TMC7: variants seen among roughly 807,000 people sequenced by gnomAD.
The protein encoded by TMC7 is transmembrane channel like 7, also known as transmembrane channel-like protein 7.
TMC7 carries 54 observed loss-of-function variants against 82.9 expected under a neutral mutation model. That is an observed-to-expected ratio of 0.65 (90% CI 0.52 to 0.82). The LOEUF (loss-of-function observed/expected upper bound fraction) is 0.82. TMC7 is among the 40% of genes least tolerant of loss of function. The pLI, the probability that TMC7 is intolerant of heterozygous loss-of-function variation, is 0.00. For synonymous variants in TMC7, 350 were observed against 337.9 expected (o/e 1.04, Z -0.39); for missense variants, 820 against 901.2 (o/e 0.91, Z 1.15).
At position 19,056,928 on chromosome 16, in the gene TMC7, C is replaced by T. The variant is rs140267604; in HGVS notation, c.2027+231C>T. On this transcript the variant is annotated intron_variant, in intron 14 of 15. Transcript: ENST00000304381. The stretch of plus-strand genomic sequence containing the variant: ...TCACTTGAGGCCAGGAGTTCGAGAC[C>T]AGCCTGGACAGCACAGGGACACCCC... 2.4e-3 allele frequency among the ~76,000 whole-genome samples: 370 copies of T among 151,600 alleles called. 2 individuals carry two copies. The highest frequency in any genetic ancestry group is 3.8e-3 in the Non-Finnish European group (259 of 67,926).
chr16:19,001,168 T>C (rs1431280406), intron 1 of TMC7, among the ~76,000 whole-genome samples: 2 of 152,238 alleles, frequency 1.3e-5, no homozygotes, highest in African/African-American at 2.4e-5. Context: ...AGTACTTTGG[T>C]TGGCGTGGTG....
intron 3 of TMC7, among the ~76,000 whole-genome samples, chr16:19,020,701 G>A (rs1959925058): frequency 6.6e-6 from 1 of 151,254 alleles, no homozygotes; most frequent in East Asian, 1.9e-4. Context: ...AACCTCATCT[G>A]TACTAAAAAC....
intron 5 of TMC7, among the ~76,000 whole-genome samples, chr16:19,029,264 C>T (rs1409796527): frequency 6.6e-6 from 1 of 152,146 alleles, no homozygotes; most frequent in Non-Finnish European, 1.5e-5. Flanking sequence ...CTCGGCCTCC[C>T]AAAGTGCTGG....
chr16:19,061,491 G>A (rs1424659876), intron 15 of TMC7, among the ~76,000 whole-genome samples: 1 of 151,704 alleles, frequency 6.6e-6, no homozygotes, highest in African/African-American at 2.4e-5. Flanking sequence ...TACTATATTG[G>A]TCAGGCTGGT....
intron 5 of TMC7, 99 bp from the exon 6 acceptor site, chr16:19,030,125 G>A (rs919016171): frequency 7.2e-6 from 9 of 1,257,524 alleles, no homozygotes; most frequent in Non-Finnish European, 8.9e-6. Context: ...AGAGAGGAAA[G>A]GGGACACTGG....
intron 1 of TMC7, chr16:18,984,493 C>CCAA (rs2038808920): frequency 9.4e-7 from 1 of 1,065,686 alleles, no homozygotes; most frequent in Non-Finnish European, 1.1e-6. Flanking sequence ...TATGAGGTGC[C>CCAA]TGCCTCCCGG....
At chr16:19,013,205 AATTATT>A (rs1300263851) in intron 2 of TMC7, among the ~76,000 whole-genome samples, 3 of 151,842 alleles carry the variant, frequency 2.0e-5, no homozygotes, top group Non-Finnish European at 4.4e-5. Flanking sequence ...AAGGTTTTCA[AATTATT>A]ATTATTATTT....
intron 9 of TMC7, among the ~76,000 whole-genome samples, chr16:19,044,290 CAA>C (rs2142280357): frequency 6.6e-6 from 1 of 152,276 alleles, no homozygotes; most frequent in South Asian, 2.1e-4. Context: ...TGGGCTCAAG[CAA>C]TCCTCTTGAC....
chr16:19,057,256 A>C (rs1483133393), intron 14 of TMC7, among the ~76,000 whole-genome samples: 1 of 152,204 alleles, frequency 6.6e-6, no homozygotes, highest in African/African-American at 2.4e-5. Context: ...AAAAGCTAAT[A>C]TATATTGCCT....
rs150328834 is a variant in TMC7 at position 18,994,932 on chromosome 16, G to T, written c.67+10802G>T. Among the ~76,000 whole-genome samples, 1,299 of 152,198 alleles carry T rather than the reference G, an allele frequency of 8.5e-3. 23 individuals are homozygous for T. Among genetic ancestry groups the T allele is most frequent in the African/African-American group, 0.029 (1,206 of 41,506 alleles). On this transcript the variant is annotated intron_variant, in intron 1 of 15. Transcript: ENST00000304381. ...AGGTTTTAATGGGATGGTAAGGGGT[G>T]CATGATCCGTTGCCAAGGCGGGAGT...
chr16:19,037,485 T>C (rs1293725264), intron 7 of TMC7, among the ~76,000 whole-genome samples: 4 of 151,224 alleles, frequency 2.6e-5, no homozygotes, highest in African/African-American at 9.7e-5. Flanking sequence ...TTTTTTTTTT[T>C]TCTGAGATAG....
intron 7 of TMC7, 129 bp downstream of exon 7, chr16:19,035,952 C>T: frequency 9.6e-7 from 1 of 1,040,050 alleles, no homozygotes; most frequent in Non-Finnish European, 1.4e-6. Flanking sequence ...GCAAGTTACC[C>T]CTCTGTAGCT....
Position 19,040,279 on chromosome 16 carries a change from A to G in TMC7, c.1180-10A>G. 6.2e-7 allele frequency: 1 copy of G among 1,610,918 alleles called. No individual in the cohort carries two copies. Among genetic ancestry groups the G allele is most frequent in the Admixed American group, 1.7e-5 (1 of 59,532 alleles). The stretch of plus-strand genomic sequence containing the variant: ...ATACTCCTGACTAATAAGTTTTGTT[A>G]TCCTCCTAGGAAATCGACAAGATGG... On this transcript the variant is annotated splice_polypyrimidine_tract_variant and intron_variant, in intron 8 of 15. Coordinates refer to ENST00000304381, the MANE Select transcript of TMC7 (RefSeq NM_024847.4).
In TMC7 at chr16:18,994,451, C is replaced by CA. The variant is rs112762077; in HGVS notation, c.67+10335dup. Among the ~76,000 whole-genome samples, 1,101 of 123,324 alleles carry CA rather than the reference C, an allele frequency of 8.9e-3. 6 individuals are homozygous for CA. The highest frequency in any genetic ancestry group is 0.025 in the African/African-American group (850 of 34,302). 80.9% of individuals were successfully genotyped at this position (123,324 alleles called of 152,430 possible). ...CTGGGTGACACGGCGAGACTCTTCT[C>CA]AAAAAAAAAAAAAAGAATTCTGACC... On this transcript the variant is annotated intron_variant, in intron 1 of 15. Transcript: ENST00000304381.
intron 4 of TMC7, 118 bp from the exon 5 acceptor site, chr16:19,022,995 G>C: frequency 1.8e-6 from 1 of 546,014 alleles, no homozygotes; most frequent in Non-Finnish European, 3.3e-6. Flanking sequence ...ACTCCAGTCT[G>C]GATGACAGAG....
At chr16:18,996,763 C>T (rs2039049832) in intron 1 of TMC7, among the ~76,000 whole-genome samples, 1 of 152,156 alleles carries the variant, frequency 6.6e-6, no homozygotes, top group South Asian at 2.1e-4. Context: ...AAGCAGGCGT[C>T]TCCGCAATTG....
chr16:19,041,360 A>C (rs1484844061), intron 9 of TMC7, among the ~76,000 whole-genome samples: 5 of 150,414 alleles, frequency 3.3e-5, no homozygotes, highest in East Asian at 3.9e-4. Flanking sequence ...ATCTGTAAAC[A>C]CTTCATTATA....
chr16:19,006,303 C>T (rs565497885), intron 1 of TMC7, among the ~76,000 whole-genome samples: 5 of 151,920 alleles, frequency 3.3e-5, no homozygotes, highest in Admixed American at 6.6e-5. Context: ...TGGGTTCAAG[C>T]GATCCTAAAT....
At position 18,984,120 on chromosome 16, in the gene TMC7, G is replaced by T; in HGVS notation, c.57G>T (p.Ala19=). Residue 19 remains alanine, a synonymous_variant, in exon 1 of 16, where the codon GCG becomes GCT. Coordinates refer to ENST00000304381, the MANE Select transcript of TMC7 (RefSeq NM_024847.4). ...LQPGRPSRQP[A]VHPENLSLDS... The stretch of plus-strand genomic sequence containing the variant: ...CCGGCAGGCCCAGCCGGCAGCCGGC[G>T]GTCCATCCAGGTAGGGCGGCAGGGA... The T allele has an allele frequency of 6.7e-7, 1 of 1,502,372 alleles. No homozygotes were observed. 93.1% of individuals were successfully genotyped at this position (1,502,372 alleles called of 1,614,324 possible).
Sources: gnomAD v4.1 joint callset for allele counts (sites outside exome capture counted in the v4.1 genomes callset) on GRCh38, gnomAD v4.1.1 for gene constraint, MANE v1.5 for transcripts, NCBI Gene and HGNC (gene_info 2026-07-23, HGNC 2026-07-21) for gene names.